Variants in NLGN1 observed in about 807,000 individuals in gnomAD.
NLGN1 encodes neuroligin 1.
A neutral mutation model predicts 65.5 loss-of-function variants in NLGN1; 12 were observed. The ratio of observed to expected loss-of-function variants is 0.18; its 90% CI spans 0.12 to 0.30. NLGN1 has a LOEUF of 0.30. NLGN1 is among the 10% of genes least tolerant of loss of function. The probability of loss-of-function intolerance (pLI) is 1.00; values close to 1 mark genes in which losing one functional copy is unlikely to be tolerated. For missense variants in NLGN1, 750 were observed against 1,007.1 expected (o/e 0.74, Z 3.46); for synonymous variants, 350 against 359.5 (o/e 0.97, Z 0.30).
intron 1 of NLGN1, among the ~76,000 whole-genome samples, chr3:173,430,392 T>C (rs1310254408): frequency 6.6e-6 from 1 of 152,208 alleles, no homozygotes; most frequent in Non-Finnish European, 1.5e-5. Flanking sequence ...TTGACACTTT[T>C]AAGGATTATA....
At chr3:173,857,091 C>G (rs1474630576) in intron 4 of NLGN1, among the ~76,000 whole-genome samples, 1 of 151,368 alleles carries the variant, frequency 6.6e-6, no homozygotes, top group African/African-American at 2.4e-5. Flanking sequence ...TTATTCAATA[C>G]TCACGCTTGA....
chr3:173,567,145 T>G (rs1743821008), intron 2 of NLGN1, among the ~76,000 whole-genome samples: 1 of 152,122 alleles, frequency 6.6e-6, no homozygotes, highest in Non-Finnish European at 1.5e-5. Context: ...ATTGAATTAT[T>G]TTATGTGTGT....
chr3:173,532,215 A>G (rs9824600), intron 2 of NLGN1, among the ~76,000 whole-genome samples: 1 of 152,126 alleles, frequency 6.6e-6, no homozygotes, highest in African/African-American at 2.4e-5. Context: ...TTTGCTATAT[A>G]CATCTTTCAG....
rs185154072 is a variant in NLGN1, at chr3:173,836,368, G to A, written c.646+28536G>A. Reference sequence around the variant, plus strand: ...TGGGGTTAGCACCATATTATCACAAGTGCTGTTGCAATTATTACAACTAAT... The same window carrying A: ...TGGGGTTAGCACCATATTATCACAAATGCTGTTGCAATTATTACAACTAAT... On this transcript the variant is annotated intron_variant, in intron 4 of 6. Transcript: ENST00000457714. 1.4e-4 allele frequency among the ~76,000 whole-genome samples: 22 copies of A among 152,100 alleles called. No homozygotes were observed. In the East Asian group the frequency reaches 2.9e-3, roughly 20 times the overall value.
chr3:173,852,149 G>A (rs1257512877), intron 4 of NLGN1, among the ~76,000 whole-genome samples: 2 of 151,456 alleles, frequency 1.3e-5, no homozygotes, highest in Non-Finnish European at 2.9e-5. Flanking sequence ...GAGGTCAGGA[G>A]ATCGAGACCA....
At chr3:173,714,607 C>T (rs1769536594) in intron 3 of NLGN1, among the ~76,000 whole-genome samples, 1 of 152,012 alleles carries the variant, frequency 6.6e-6, no homozygotes, top group South Asian at 2.1e-4. Flanking sequence ...AAGGGGAACC[C>T]ATTTATTTTA....
rs139255015 is a variant in NLGN1 at position 173,477,990 on chromosome 3, C to T, written c.-321+42912C>T. 6.3e-3 allele frequency among the ~76,000 whole-genome samples: 964 copies of T among 152,138 alleles called. 9 individuals carry two copies. The highest frequency in any genetic ancestry group is 0.021 in the African/African-American group (889 of 41,510). On this transcript the variant is annotated intron_variant, in intron 2 of 6. Transcript: ENST00000457714. The stretch of plus-strand genomic sequence containing the variant: ...TTAGTTCAACGTTTGTGGAAGATGG[C>T]GTGGCAATTCCTCAAAGATATAGAA...
intron 4 of NLGN1, among the ~76,000 whole-genome samples, chr3:174,211,186 C>T (rs1036118028): frequency 1.3e-5 from 2 of 152,264 alleles, no homozygotes; most frequent in Non-Finnish European, 2.9e-5. Flanking sequence ...CTGCAAAGAG[C>T]GAAAGAACAA....
chr3:173,971,437 G>C (rs565970577), intron 4 of NLGN1, among the ~76,000 whole-genome samples: 2 of 152,140 alleles, frequency 1.3e-5, no homozygotes, highest in Non-Finnish European at 2.9e-5. Flanking sequence ...AGAGGATGAT[G>C]ATGATGATGA....
chr3:173,429,117 G>A (rs1317738120), intron 1 of NLGN1, among the ~76,000 whole-genome samples: 7 of 151,722 alleles, frequency 4.6e-5, no homozygotes, highest in African/African-American at 1.5e-4. Context: ...CCCTCCTGGC[G>A]GTCGACGGCT....
rs1380960749 is a variant in NLGN1, at chr3:174,278,848, G to T, written c.860-13G>T. 3 of 1,466,146 alleles carry T rather than the reference G, an allele frequency of 2.0e-6. No homozygotes were observed. Among genetic ancestry groups the T allele is most frequent in the African/African-American group, 2.8e-5 (2 of 70,432 alleles). 90.8% of individuals were successfully genotyped at this position (1,466,146 alleles called of 1,614,324 possible). A position where few individuals can be genotyped will look rare whatever the true frequency, so the allele number is the denominator to read the frequency against. ...CAAAGATCATCTAAAATTCTTTGTT[G>T]ATTTTCCCATAGGACTTTTTCAACG... On this transcript the variant is annotated splice_polypyrimidine_tract_variant and intron_variant, in intron 5 of 6. Transcript: ENST00000457714.
At chr3:173,885,547 A>T (rs1301366778) in intron 4 of NLGN1, among the ~76,000 whole-genome samples, 1 of 152,128 alleles carries the variant, frequency 6.6e-6, no homozygotes, top group Non-Finnish European at 1.5e-5. Context: ...TTACAGATAA[A>T]AATTTGATAT....
intron 3 of NLGN1, among the ~76,000 whole-genome samples, chr3:173,782,441 T>C (rs902130696): frequency 6.6e-6 from 1 of 152,194 alleles, no homozygotes; most frequent in Non-Finnish European, 1.5e-5. Context: ...CATGTGCATG[T>C]ATGTGTGTAT....
chr3:173,726,017 T>G (rs532760968), intron 3 of NLGN1, among the ~76,000 whole-genome samples: 4 of 152,206 alleles, frequency 2.6e-5, no homozygotes, highest in South Asian at 2.1e-4. Context: ...TGGAGTCTTA[T>G]GTAACATAAA....
intron 2 of NLGN1, among the ~76,000 whole-genome samples, chr3:173,445,797 C>T (rs1720157888): frequency 2.0e-5 from 3 of 152,284 alleles, no homozygotes; most frequent in South Asian, 2.1e-4. Context: ...CATCAGAAGA[C>T]AGGGAAGTTT....
intron 2 of NLGN1, among the ~76,000 whole-genome samples, chr3:173,549,741 A>G (rs1208554561): frequency 6.6e-6 from 1 of 152,088 alleles, no homozygotes; most frequent in African/African-American, 2.4e-5. Flanking sequence ...TTTCTGAACC[A>G]AATTTAGATA....
intron 4 of NLGN1, among the ~76,000 whole-genome samples, chr3:174,243,110 A>G (rs1481748565): frequency 1.3e-5 from 2 of 152,226 alleles, no homozygotes; most frequent in African/African-American, 4.8e-5. Flanking sequence ...TTTTAATCAC[A>G]AGTCTTGGAA....
chr3:173,576,620 C>G (rs906947501), intron 2 of NLGN1, among the ~76,000 whole-genome samples: 20 of 152,070 alleles, frequency 1.3e-4, no homozygotes, highest in African/African-American at 4.8e-4. Flanking sequence ...TATTCTGACC[C>G]CTGAACCCTC....
intron 4 of NLGN1, among the ~76,000 whole-genome samples, chr3:174,185,791 T>TA (rs1370818962): frequency 2.1e-5 from 3 of 140,644 alleles, no homozygotes; most frequent in Non-Finnish European, 4.7e-5. Context: ...AAAGGTACCC[T>TA]AAAATAGAAA....
Sources: gnomAD v4.1 joint callset for allele counts (sites outside exome capture counted in the v4.1 genomes callset) on GRCh38, gnomAD v4.1.1 for gene constraint, MANE v1.5 for transcripts, NCBI Gene and HGNC (gene_info 2026-07-23, HGNC 2026-07-21) for gene names.